The following EFCAB8 variants were observed in gnomAD, a reference collection of about 807,000 sequenced individuals.
The protein encoded by EFCAB8 is EF-hand calcium binding domain 8.
A neutral mutation model predicts 116.3 loss-of-function variants in EFCAB8; 100 were observed. That is an observed-to-expected ratio of 0.86 (90% confidence interval 0.73 to 1.02). EFCAB8 has a LOEUF of 1.02. Ranked by LOEUF, EFCAB8 falls within the 50% of genes least tolerant of loss-of-function variation. EFCAB8 has a pLI of 0.00. For synonymous variants in EFCAB8, 558 were observed against 567.9 expected (o/e 0.98, Z 0.25); for missense variants, 1,320 against 1,416.9 (o/e 0.93, Z 1.10).
chr20:32,878,103 A>G (rs1356747765), intron 4 of EFCAB8, among the ~76,000 whole-genome samples: 1 of 152,034 alleles, frequency 6.6e-6, no homozygotes, highest in Non-Finnish European at 1.5e-5. Context: ...CCATCTCTAC[A>G]AAAAATACAA....
At chr20:32,867,850 T>G in intron 3 of EFCAB8, 103 bp downstream of exon 3, 1 of 1,353,420 alleles carries the variant, frequency 7.4e-7, no homozygotes, top group Non-Finnish European at 9.9e-7. Flanking sequence ...GCATTTTTTT[T>G]TTGTTTTTGA....
intron 23 of EFCAB8, among the ~76,000 whole-genome samples, chr20:32,952,018 G>C (rs1454805244): frequency 2.0e-5 from 3 of 152,256 alleles, no homozygotes; most frequent in East Asian, 1.9e-4. Flanking sequence ...CCAGCACTTT[G>C]GGGGGCCAAA....
At chr20:32,882,440 C>T (rs1424358927) in intron 5 of EFCAB8, among the ~76,000 whole-genome samples, 2 of 152,246 alleles carry the variant, frequency 1.3e-5, no homozygotes, top group Non-Finnish European at 2.9e-5. Flanking sequence ...TAAAGAGGCT[C>T]ATAGCCTGTG....
intron 6 of EFCAB8, among the ~76,000 whole-genome samples, chr20:32,886,766 G>T (rs1985652767): frequency 1.3e-5 from 2 of 152,166 alleles, no homozygotes; most frequent in South Asian, 2.1e-4. Flanking sequence ...AGGCTCTCTG[G>T]GAAGGCGCAG....
intron 22 of EFCAB8, among the ~76,000 whole-genome samples, chr20:32,939,123 TTC>T (rs200405358): frequency 3.7e-4 from 42 of 112,746 alleles, no homozygotes; most frequent in East Asian, 1.0e-3. Context: ...CTCTCTTTCT[TTC>T]TCTTTCTTTC....
In EFCAB8 at chr20:32,959,772, C is replaced by A; in HGVS notation, c.3090-6C>A. 1 of 1,476,404 alleles carries A rather than the reference C, an allele frequency of 6.8e-7. No homozygotes were observed. The highest frequency in any genetic ancestry group is 1.4e-5 in the South Asian group (1 of 71,458). 91.5% of individuals were successfully genotyped at this position (1,476,404 alleles called of 1,614,324 possible). The stretch of plus-strand genomic sequence containing the variant: ...GACATCTTGTGAAGGAAAGCCCCCA[C>A]ACTAGGGAGCAGCGGGATCTGGCTG... On this transcript the variant is annotated splice_polypyrimidine_tract_variant and splice_region_variant and intron_variant, in intron 24 of 26. Transcript: ENST00000400522.
intron 4 of EFCAB8, among the ~76,000 whole-genome samples, chr20:32,877,225 T>C (rs1484335968): frequency 7.4e-5 from 11 of 148,784 alleles, no homozygotes; most frequent in African/African-American, 2.7e-4. Flanking sequence ...TTTTTTTTTT[T>C]TGAGATGGAG....
At chr20:32,952,562 A>G (rs1195438263) in intron 23 of EFCAB8, among the ~76,000 whole-genome samples, 1 of 152,198 alleles carries the variant, frequency 6.6e-6, no homozygotes, top group Non-Finnish European at 1.5e-5. Context: ...CCACTCATAC[A>G]TCTACTCCTG....
rs188437954 is a variant in EFCAB8, at chr20:32,960,140, A to G, written c.3372A>G (p.Pro1124=). The G allele has an allele frequency of 3.7e-5, 58 of 1,551,620 alleles. No homozygotes were observed. Among genetic ancestry groups the G allele is most frequent in the Non-Finnish European group, 4.9e-5 (56 of 1,146,992 alleles). Residue 1124 remains proline, a synonymous_variant, in exon 26 of 27, where the codon CCA becomes CCG. Coordinates refer to ENST00000400522, the MANE Select transcript of EFCAB8 (RefSeq NM_001143967.2). ...QNTRFLSTRV[P]YGWMKHQISP... ...CCAGGTTCCTGTCCACCAGGGTGCC[A>G]TATGGCTGGATGAAGCATCAGGTAA... is the stretch of plus-strand genomic sequence containing the variant.
chr20:32,904,642 G>A (rs138981996), intron 11 of EFCAB8, among the ~76,000 whole-genome samples: 126 of 147,678 alleles, frequency 8.5e-4, no homozygotes, highest in African/African-American at 3.0e-3. Context: ...TGGCGGGGTG[G>A]GGGTACTGAG....
At chr20:32,921,021 C>T (rs749066656) in intron 20 of EFCAB8, among the ~76,000 whole-genome samples, 1 of 152,154 alleles carries the variant, frequency 6.6e-6, no homozygotes, top group Non-Finnish European at 1.5e-5. Flanking sequence ...ACTGACTCCC[C>T]GTCCTGAAAA....
intron 9 of EFCAB8, among the ~76,000 whole-genome samples, chr20:32,895,124 C>T (rs1024884314): frequency 2.0e-5 from 3 of 152,164 alleles, no homozygotes; most frequent in Non-Finnish European, 2.9e-5. Context: ...ACTGCTCTGA[C>T]GGAGGACCCA....
rs552086466 is a variant in EFCAB8 at position 32,924,821 on chromosome 20, G to A, written c.2412+4606G>A. On this transcript the variant is annotated intron_variant, in intron 20 of 26. Coordinates refer to ENST00000400522, the MANE Select transcript of EFCAB8 (RefSeq NM_001143967.2). ...TTGAGGCACTGTGGCTGGCAGGGCT[G>A]TGTGTGTGTGTGTGTCCCCTCTGGA... Among the ~76,000 whole-genome samples, 273 of 150,418 alleles carry A rather than the reference G, an allele frequency of 1.8e-3. 1 individual carries two copies. Among genetic ancestry groups the A allele is most frequent in the African/African-American group, 6.5e-3 (267 of 41,270 alleles).
chr20:32,888,966 G>T (rs1016995705), intron 6 of EFCAB8, among the ~76,000 whole-genome samples: 14 of 151,538 alleles, frequency 9.2e-5, no homozygotes, highest in African/African-American at 3.2e-4. Context: ...TTTGTGGGGG[G>T]CGGGGGGCGG....
chr20:32,890,034 C>T (rs1332268664), intron 7 of EFCAB8, among the ~76,000 whole-genome samples: 1 of 151,696 alleles, frequency 6.6e-6, no homozygotes, highest in Admixed American at 6.6e-5. Flanking sequence ...CTCCTGCATG[C>T]CGCGCTTCCC....
intron 15 of EFCAB8, among the ~76,000 whole-genome samples, chr20:32,910,590 C>T (rs1437127422): frequency 6.6e-6 from 1 of 152,182 alleles, no homozygotes; most frequent in Non-Finnish European, 1.5e-5. Flanking sequence ...CTGGGCTTCT[C>T]TCCCATCCTG....
intron 20 of EFCAB8, among the ~76,000 whole-genome samples, chr20:32,922,869 A>T (rs998982009): frequency 6.6e-6 from 1 of 152,128 alleles, no homozygotes; most frequent in Non-Finnish European, 1.5e-5. Flanking sequence ...TTAGAAAGTG[A>T]TACATGTCCT....
Position 32,862,375 on chromosome 20 carries a change from G to A in EFCAB8, c.-10-1408G>A, listed in dbSNP as rs568149954. ...ACTCCTGGATGCAAGCGATCCTCCC[G>A]CCTCGGCCTATTTTTTATTCCTAAT... On this transcript the variant is annotated intron_variant, in intron 1 of 26. Transcript: ENST00000400522. Among the ~76,000 whole-genome samples, 60 of 151,840 alleles carry A rather than the reference G, an allele frequency of 4.0e-4. 2 individuals are homozygous for A. Among genetic ancestry groups the A allele is most frequent in the Admixed American group, 3.5e-3 (53 of 15,240 alleles).
chr20:32,902,358 G>A (rs576172117), intron 11 of EFCAB8, among the ~76,000 whole-genome samples: 2 of 152,042 alleles, frequency 1.3e-5, no homozygotes, highest in African/African-American at 4.8e-5. Context: ...TTGGGGTAGG[G>A]TAGAGAATAT....
Sources: allele counts gnomAD v4.1 joint callset (sites outside exome capture counted in the v4.1 genomes callset), GRCh38; gene constraint gnomAD v4.1.1; transcripts MANE v1.5; gene names NCBI Gene and HGNC (gene_info 2026-07-23, HGNC 2026-07-21).